Variants in COMMD10 observed in about 807,000 individuals in gnomAD.
COMMD10 encodes the protein COMM domain containing 10.
In COMMD10, 33 loss-of-function variants were observed where a neutral mutation model predicts 28.9. The ratio of observed to expected loss-of-function variants is 1.14; its 90% CI spans 0.87 to 1.53. COMMD10 has a LOEUF of 1.53. Among genes scored for constraint, COMMD10 ranks in the 40% most tolerant of loss-of-function variants. The pLI is 0.00. For synonymous variants in COMMD10, 110 were observed against 81.7 expected (o/e 1.35, Z -1.87); for missense variants, 310 against 233.4 (o/e 1.33, Z -2.14).
At chr5:116,153,137 G>A (rs1264571732) in intron 5 of COMMD10, among the ~76,000 whole-genome samples, 1 of 152,036 alleles carries the variant, frequency 6.6e-6, no homozygotes, top group Non-Finnish European at 1.5e-5. Context: ...TTGGCTATAT[G>A]TTTCCTAAAA....
At chr5:116,095,638 C>G (rs1462529991) in intron 4 of COMMD10, among the ~76,000 whole-genome samples, 1 of 151,936 alleles carries the variant, frequency 6.6e-6, no homozygotes, top group African/African-American at 2.4e-5. Context: ...TTGATGAAAT[C>G]TGTTGTATTT....
intron 5 of COMMD10, among the ~76,000 whole-genome samples, chr5:116,144,410 A>T (rs1752282174): frequency 6.6e-6 from 1 of 151,818 alleles, no homozygotes; most frequent in Non-Finnish European, 1.5e-5. Context: ...TTTCCTATTA[A>T]CTAGATGAAG....
chr5:116,177,286 GAGAC>G (rs1405729207), intron 5 of COMMD10, among the ~76,000 whole-genome samples: 1 of 139,262 alleles, frequency 7.2e-6, no homozygotes, highest in Non-Finnish European at 1.5e-5. Context: ...AGGAAAGAAA[GAGAC>G]AGCTTTCTCT....
At chr5:116,095,474 TA>T (rs1175331177) in intron 4 of COMMD10, among the ~76,000 whole-genome samples, 1 of 152,162 alleles carries the variant, frequency 6.6e-6, no homozygotes, top group East Asian at 1.9e-4. Context: ...AACGATAGAT[TA>T]ATTGAGGCAT....
chr5:116,086,365 C>T (rs1027255785), intron 1 of COMMD10, among the ~76,000 whole-genome samples: 1 of 152,202 alleles, frequency 6.6e-6, no homozygotes, highest in Non-Finnish European at 1.5e-5. Context: ...GAATTGTTCT[C>T]ATCACATCAT....
At chr5:116,251,521 C>G (rs964061352) in intron 5 of COMMD10, among the ~76,000 whole-genome samples, 7 of 149,006 alleles carry the variant, frequency 4.7e-5, no homozygotes, top group Non-Finnish European at 7.4e-5. Context: ...CAATTCCCAC[C>G]TATGAGTGAG....
At chr5:116,134,312 T>C (rs1181247547) in intron 5 of COMMD10, 134 bp downstream of exon 5, 1 of 557,196 alleles carries the variant, frequency 1.8e-6, no homozygotes, top group Non-Finnish European at 3.2e-6. Flanking sequence ...AAGTGGATCT[T>C]TTTTGACAGA....
intron 5 of COMMD10, among the ~76,000 whole-genome samples, chr5:116,178,946 G>A (rs1198051079): frequency 6.6e-6 from 1 of 151,936 alleles, no homozygotes; most frequent in Admixed American, 6.6e-5. Flanking sequence ...TAATATACCT[G>A]AACCAGAGGC....
intron 5 of COMMD10, among the ~76,000 whole-genome samples, chr5:116,209,234 G>T (rs2112631695): frequency 6.6e-6 from 1 of 151,494 alleles, no homozygotes; most frequent in Middle Eastern, 3.4e-3. Context: ...GTTTTCCCCT[G>T]ACCTTTATAA....
At chr5:116,136,425 T>C (rs1361636573) in intron 5 of COMMD10, among the ~76,000 whole-genome samples, 1 of 152,204 alleles carries the variant, frequency 6.6e-6, no homozygotes, top group African/African-American at 2.4e-5. Flanking sequence ...TAATGTTAAG[T>C]CTGCGTAGCT....
chr5:116,260,027 G>A (rs868671060), intron 5 of COMMD10, among the ~76,000 whole-genome samples: 2 of 151,742 alleles, frequency 1.3e-5, no homozygotes, highest in Middle Eastern at 3.4e-3. Context: ...GTCTGCAGTG[G>A]TATTATTTTC....
chr5:116,272,158 T>C (rs1750777154), intron 5 of COMMD10, among the ~76,000 whole-genome samples: 1 of 151,902 alleles, frequency 6.6e-6, no homozygotes, highest in Non-Finnish European at 1.5e-5. Flanking sequence ...AGCCATTTAG[T>C]CCATCCCTCA....
At chr5:116,215,023 TTTC>T (rs1351475331) in intron 5 of COMMD10, among the ~76,000 whole-genome samples, 1 of 152,132 alleles carries the variant, frequency 6.6e-6, no homozygotes, top group Non-Finnish European at 1.5e-5. Context: ...ATTTTCATTT[TTTC>T]TTAATAGTTT....
intron 5 of COMMD10, among the ~76,000 whole-genome samples, chr5:116,139,969 G>A (rs1752143718): frequency 6.6e-6 from 1 of 151,630 alleles, no homozygotes; most frequent in African/African-American, 2.4e-5. Flanking sequence ...TCCTGATGCT[G>A]TACATCAGAT....
chr5:116,214,892 T>A (rs1749058053), intron 5 of COMMD10, among the ~76,000 whole-genome samples: 1 of 152,136 alleles, frequency 6.6e-6, no homozygotes, highest in African/African-American at 2.4e-5. Flanking sequence ...ATCCTAACTG[T>A]TAGCTAAGTG....
chr5:116,154,196 G>A (rs918471718), intron 5 of COMMD10, among the ~76,000 whole-genome samples: 2 of 152,034 alleles, frequency 1.3e-5, no homozygotes, highest in African/African-American at 4.8e-5. Context: ...ATGTGAGTTA[G>A]GCTTGGGAAG....
At position 116,253,654 on chromosome 5, in the gene COMMD10, A is replaced by T. The variant is rs546335651; in HGVS notation, c.511-37863A>T. On this transcript the variant is annotated intron_variant, in intron 5 of 6. Coordinates refer to ENST00000274458, the MANE Select transcript of COMMD10 (RefSeq NM_016144.4). ...GCATCCCAGGGATGAAGCCCACTTG[A>T]TCATGGTGGATAAGCTTTTTGATGT... 3.2e-4 allele frequency among the ~76,000 whole-genome samples: 46 copies of T among 145,516 alleles called. 1 individual carries two copies. Among genetic ancestry groups the T allele is most frequent in the African/African-American group, 7.1e-4 (27 of 37,840 alleles).
intron 4 of COMMD10, among the ~76,000 whole-genome samples, chr5:116,100,219 C>T (rs889620895): frequency 1.3e-5 from 2 of 152,044 alleles, no homozygotes; most frequent in Non-Finnish European, 2.9e-5. Context: ...GATGCCGAAC[C>T]TCTGTTTTCT....
At chr5:116,248,611 A>G (rs965656588) in intron 5 of COMMD10, among the ~76,000 whole-genome samples, 1 of 151,882 alleles carries the variant, frequency 6.6e-6, no homozygotes, top group African/African-American at 2.4e-5. Flanking sequence ...GACTTGCACA[A>G]TTTCTGGGAG....
Sources: allele counts gnomAD v4.1 joint callset (sites outside exome capture counted in the v4.1 genomes callset), GRCh38; gene constraint gnomAD v4.1.1; transcripts MANE v1.5; gene names NCBI Gene and HGNC (gene_info 2026-07-23, HGNC 2026-07-21).